SOX5: variants seen among roughly 807,000 people sequenced by gnomAD.
The protein encoded by SOX5 is SRY-box transcription factor 5.
A neutral mutation model predicts 92.0 loss-of-function variants in SOX5; 9 were observed. That is an observed-to-expected ratio of 0.10 (90% confidence interval 0.06 to 0.17). SOX5 has a LOEUF of 0.17. Ranked by LOEUF, SOX5 falls within the 10% of genes least tolerant of loss-of-function variation. The pLI is 1.00. For missense variants in SOX5, 642 were observed against 944.5 expected (o/e 0.68, Z 4.20); for synonymous variants, 344 against 336.3 (o/e 1.02, Z -0.25).
intron 3 of SOX5, among the ~76,000 whole-genome samples, chr12:24,249,333 T>C (rs780111090): frequency 6.6e-6 from 1 of 152,322 alleles, no homozygotes; most frequent in African/African-American, 2.4e-5. Context: ...TCCCATTCAA[T>C]TGAGAGACAA....
At chr12:23,922,884 G>A (rs1938750498) in intron 1 of SOX5, among the ~76,000 whole-genome samples, 1 of 151,678 alleles carries the variant, frequency 6.6e-6, no homozygotes, top group African/African-American at 2.4e-5. Flanking sequence ...GTAGAAAGAA[G>A]ATTCTGTGCG....
chr12:23,766,893 G>T (rs1404076131), intron 3 of SOX5, among the ~76,000 whole-genome samples: 1 of 152,084 alleles, frequency 6.6e-6, no homozygotes, highest in Non-Finnish European at 1.5e-5. Flanking sequence ...TTTGATCAAA[G>T]ATTTTGCATA....
intron 4 of SOX5, among the ~76,000 whole-genome samples, chr12:24,004,267 T>G (rs1951909579): frequency 6.7e-6 from 1 of 149,580 alleles, no homozygotes; most frequent in Non-Finnish European, 1.5e-5. Context: ...TAAAAACAAC[T>G]GATAAACTGA....
chr12:24,399,222 TCTGAGCACA>T (rs371956916), intron 1 of SOX5, among the ~76,000 whole-genome samples: 80 of 152,158 alleles, frequency 5.3e-4, no homozygotes, highest in African/African-American at 1.7e-3. Flanking sequence ...CACGTGAGCA[TCTGAGCACA>T]CTGCCTACAG....
At chr12:24,352,562 T>A (rs937466898) in intron 2 of SOX5, among the ~76,000 whole-genome samples, 11 of 152,326 alleles carry the variant, frequency 7.2e-5, no homozygotes, top group African/African-American at 2.4e-4. Context: ...AATTCTGGTT[T>A]TTCTAGTTGA....
chr12:23,951,326 C>G (rs540690242), upstream of SOX5, among the ~76,000 whole-genome samples: 52 of 152,104 alleles, frequency 3.4e-4, no homozygotes, highest in Admixed American at 2.0e-3. Context: ...TTCCTCCCCC[C>G]CAACCCCCTC....
At chr12:24,322,699 A>T (rs909319882) in intron 2 of SOX5, among the ~76,000 whole-genome samples, 2 of 152,164 alleles carry the variant, frequency 1.3e-5, no homozygotes, top group African/African-American at 4.8e-5. Context: ...GGAAGAAAAA[A>T]ATCTATCTGC....
chr12:24,189,239 G>A (rs1175326736), intron 4 of SOX5, among the ~76,000 whole-genome samples: 2 of 152,118 alleles, frequency 1.3e-5, no homozygotes, highest in African/African-American at 4.8e-5. Flanking sequence ...TGAAATACTG[G>A]CCGTTCTCCA....
chr12:24,364,420 C>T (rs1232190435), intron 2 of SOX5, among the ~76,000 whole-genome samples: 7 of 150,144 alleles, frequency 4.7e-5, no homozygotes, highest in African/African-American at 1.7e-4. Context: ...GAAAGGACTA[C>T]AAGAATGACA....
At chr12:24,071,261 C>G (rs376983617) in intron 4 of SOX5, among the ~76,000 whole-genome samples, 3 of 151,870 alleles carry the variant, frequency 2.0e-5, no homozygotes, top group South Asian at 4.2e-4. Flanking sequence ...CAATATTAAC[C>G]CCATTCTATC....
rs752984009 is a variant in SOX5, at chr12:23,871,993, CT to C, written c.270+23799del. Among the ~76,000 whole-genome samples, 570 of 141,280 alleles carry C rather than the reference CT, an allele frequency of 4.0e-3. 1 individual carries two copies. The highest frequency in any genetic ancestry group is 6.8e-3 in the South Asian group (30 of 4,422). 92.7% of individuals were successfully genotyped at this position (141,280 alleles called of 152,430 possible). A position where few individuals can be genotyped will look rare whatever the true frequency, so the allele number is the denominator to read the frequency against. On this transcript the variant is annotated intron_variant, in intron 2 of 14. Transcript: ENST00000451604. Reference sequence around the variant, plus strand: ...ACACAAGCATTATATTACATTTATTCTTTTTTTTTTTTTCTTTTTTTTGAGA... The same window carrying C: ...ACACAAGCATTATATTACATTTATTCTTTTTTTTTTTTCTTTTTTTTGAGA...
chr12:24,027,907 A>G (rs537965083), intron 4 of SOX5, among the ~76,000 whole-genome samples: 1 of 152,098 alleles, frequency 6.6e-6, no homozygotes, highest in South Asian at 2.1e-4. Flanking sequence ...CCACAAGTCC[A>G]CGAAAAACAT....
At chr12:24,504,612 C>T (rs1054458592) in intron 1 of SOX5, among the ~76,000 whole-genome samples, 9 of 152,214 alleles carry the variant, frequency 5.9e-5, no homozygotes, top group South Asian at 4.1e-4. Flanking sequence ...CCAAAATTGA[C>T]ATCAAGTGCA....
intron 10 of SOX5, among the ~76,000 whole-genome samples, chr12:23,571,064 T>A (rs1447397647): frequency 7.0e-6 from 1 of 143,558 alleles, no homozygotes; most frequent in Non-Finnish European, 1.5e-5. Context: ...ATCATTTGAG[T>A]CCAGGAGGTG....
chr12:23,582,783 T>C (rs1169114645), intron 9 of SOX5, among the ~76,000 whole-genome samples: 3 of 152,156 alleles, frequency 2.0e-5, no homozygotes, highest in Admixed American at 6.6e-5. Context: ...AATGTATACC[T>C]GCTTCTTTTA....
At chr12:24,280,109 T>C (rs762557119) in intron 2 of SOX5, among the ~76,000 whole-genome samples, 1 of 152,154 alleles carries the variant, frequency 6.6e-6, no homozygotes, top group Non-Finnish European at 1.5e-5. Context: ...ATTCATTTTA[T>C]GGACTAATGT....
chr12:24,506,417 A>AG (rs1206856739), intron 1 of SOX5, among the ~76,000 whole-genome samples: 39 of 100,414 alleles, frequency 3.9e-4, no homozygotes, highest in African/African-American at 1.2e-3. Context: ...AAAAAAAAAA[A>AG]AAGAGAGAGA....
intron 4 of SOX5, among the ~76,000 whole-genome samples, chr12:24,084,053 G>A (rs1303372024): frequency 6.6e-6 from 1 of 152,046 alleles, no homozygotes; most frequent in Non-Finnish European, 1.5e-5. Context: ...AGGCACTGAG[G>A]AGATAAAAAA....
intron 1 of SOX5, among the ~76,000 whole-genome samples, chr12:24,531,462 A>G (rs993140987): frequency 7.9e-5 from 12 of 152,184 alleles, no homozygotes; most frequent in African/African-American, 2.2e-4. Context: ...AACACATGAA[A>G]TATATTGTGA....
Sources: allele counts gnomAD v4.1 joint callset (sites outside exome capture counted in the v4.1 genomes callset), GRCh38; gene constraint gnomAD v4.1.1; transcripts MANE v1.5; gene names NCBI Gene and HGNC (gene_info 2026-07-23, HGNC 2026-07-21).